BICC1: variants seen among roughly 807,000 people sequenced by gnomAD.
BICC1 encodes BicC family RNA binding protein 1.
Under a neutral mutation model 111.0 loss-of-function variants are expected in BICC1, and 43 were observed. The ratio of observed to expected loss-of-function variants is 0.39; its 90% CI spans 0.30 to 0.50. BICC1 has a LOEUF of 0.50. Among genes scored for constraint, BICC1 ranks in the 20% least tolerant of loss-of-function variants. The pLI is 0.88. For synonymous variants in BICC1, 467 were observed against 434.4 expected (o/e 1.07, Z -0.93); for missense variants, 1,091 against 1,203.2 (o/e 0.91, Z 1.38).
chr10:58,822,785 A>G (rs1844289945), intron 20 of BICC1, among the ~76,000 whole-genome samples: 1 of 152,170 alleles, frequency 6.6e-6, no homozygotes, highest in Non-Finnish European at 1.5e-5. Context: ...ACATCCATTT[A>G]TAGTCCCAGA....
At chr10:58,579,983 T>A (rs1268157803) in intron 1 of BICC1, among the ~76,000 whole-genome samples, 1 of 151,180 alleles carries the variant, frequency 6.6e-6, no homozygotes, top group Non-Finnish European at 1.5e-5. Flanking sequence ...TTTTTTTTTT[T>A]ATTGTGTTTA....
chr10:58,536,512 A>G (rs1842829893), intron 1 of BICC1, among the ~76,000 whole-genome samples: 1 of 151,810 alleles, frequency 6.6e-6, no homozygotes, highest in Admixed American at 6.6e-5. Flanking sequence ...AAATTTCTGA[A>G]ATGATTGATA....
intron 2 of BICC1, among the ~76,000 whole-genome samples, chr10:58,629,442 C>G (rs1485217328): frequency 6.6e-6 from 1 of 151,864 alleles, no homozygotes; most frequent in Non-Finnish European, 1.5e-5. Flanking sequence ...ATTATCATGC[C>G]CACATTAATG....
At chr10:58,601,222 C>T (rs1845029137) in intron 1 of BICC1, among the ~76,000 whole-genome samples, 1 of 142,844 alleles carries the variant, frequency 7.0e-6, no homozygotes, top group Non-Finnish European at 1.5e-5. Context: ...TCATACTCTT[C>T]CCTGGCATAC....
At chr10:58,545,860 G>A (rs1409566955) in intron 1 of BICC1, among the ~76,000 whole-genome samples, 2 of 152,038 alleles carry the variant, frequency 1.3e-5, no homozygotes, top group East Asian at 3.9e-4. Context: ...TCCTGACTGG[G>A]GCTAATTGGA....
intron 1 of BICC1, among the ~76,000 whole-genome samples, chr10:58,606,743 C>CT (rs1487082460): frequency 6.6e-6 from 1 of 151,916 alleles, no homozygotes; most frequent in Non-Finnish European, 1.5e-5. Flanking sequence ...GAAGCATATG[C>CT]TTTGAGTATT....
At chr10:58,821,280 G>C (rs1844244045) in intron 20 of BICC1, among the ~76,000 whole-genome samples, 1 of 152,076 alleles carries the variant, frequency 6.6e-6, no homozygotes, top group African/African-American at 2.4e-5. Flanking sequence ...GTCTCAGAAA[G>C]ACAGACACAC....
At chr10:58,544,527 T>G (rs1843082961) in intron 1 of BICC1, among the ~76,000 whole-genome samples, 1 of 152,136 alleles carries the variant, frequency 6.6e-6, no homozygotes, top group Non-Finnish European at 1.5e-5. Flanking sequence ...CACCTCTGTT[T>G]AGCAGTGAAG....
intron 1 of BICC1, among the ~76,000 whole-genome samples, chr10:58,562,862 T>A (rs909479056): frequency 2.6e-5 from 4 of 152,180 alleles, no homozygotes; most frequent in Non-Finnish European, 4.4e-5. Context: ...GCGTATTCAG[T>A]GTCAGCTGTG....
At chr10:58,589,280 A>G (rs1844527208) in intron 1 of BICC1, among the ~76,000 whole-genome samples, 1 of 152,102 alleles carries the variant, frequency 6.6e-6, no homozygotes, top group Non-Finnish European at 1.5e-5. Flanking sequence ...ACTTTCACTC[A>G]GGTACTTGTC....
At chr10:58,645,730 T>C (rs1010258207) in intron 2 of BICC1, among the ~76,000 whole-genome samples, 1 of 152,228 alleles carries the variant, frequency 6.6e-6, no homozygotes, top group South Asian at 2.1e-4. Flanking sequence ...AGGAGGCCAG[T>C]TGACTAACTT....
intron 1 of BICC1, among the ~76,000 whole-genome samples, chr10:58,611,381 C>G (rs937674278): frequency 1.1e-4 from 16 of 152,060 alleles, no homozygotes; most frequent in African/African-American, 3.4e-4. Context: ...ATCCATATAT[C>G]TAAATACATG....
intron 3 of BICC1, among the ~76,000 whole-genome samples, chr10:58,747,444 T>G (rs1339405569): frequency 6.6e-6 from 1 of 152,162 alleles, no homozygotes; most frequent in Non-Finnish European, 1.5e-5. Context: ...TATTCATTTC[T>G]TAGGGGTTTA....
intron 2 of BICC1, among the ~76,000 whole-genome samples, chr10:58,645,406 CAAAAAAAAAAAA>C (rs57417702): frequency 3.1e-4 from 23 of 73,336 alleles, no homozygotes; most frequent in African/African-American, 8.5e-4. Context: ...GACTCCATCT[CAAAAAAAAAAAA>C]AAAAAAAAAA....
At chr10:58,771,688 A>G (rs1291549253) in intron 3 of BICC1, among the ~76,000 whole-genome samples, 1 of 152,166 alleles carries the variant, frequency 6.6e-6, no homozygotes, top group Non-Finnish European at 1.5e-5. Flanking sequence ...TTTTGGTGCA[A>G]TGGTGAGTAT....
At chr10:58,805,290 C>T (rs1363884704) in intron 15 of BICC1, among the ~76,000 whole-genome samples, 1 of 149,566 alleles carries the variant, frequency 6.7e-6, no homozygotes. Context: ...GAGACTCTGT[C>T]TAAAAAACAA....
intron 17 of BICC1, among the ~76,000 whole-genome samples, chr10:58,812,417 C>T (rs1009458991): frequency 7.2e-5 from 11 of 151,820 alleles, no homozygotes; most frequent in African/African-American, 1.9e-4. Flanking sequence ...AGATGCCTAT[C>T]GGACAGGAAA....
chr10:58,592,714 GAA>G (rs746433317), intron 1 of BICC1, among the ~76,000 whole-genome samples: 5 of 130,588 alleles, frequency 3.8e-5, no homozygotes, highest in Non-Finnish European at 3.3e-5. Flanking sequence ...GACTCCGTGT[GAA>G]AAAAAAAAAA....
chr10:58,620,795 A>G (rs1001186502), intron 1 of BICC1, 60 bp from the exon 2 acceptor site: 5 of 1,540,452 alleles, frequency 3.2e-6, no homozygotes, highest in Non-Finnish European at 4.4e-6. Flanking sequence ...CTGATGCTCG[A>G]AAGTTTTTTG....
Sources: allele counts gnomAD v4.1 joint callset (sites outside exome capture counted in the v4.1 genomes callset), GRCh38; gene constraint gnomAD v4.1.1; transcripts MANE v1.5; gene names NCBI Gene and HGNC (gene_info 2026-07-23, HGNC 2026-07-21).